HIKESHI: variants seen among roughly 807,000 people sequenced by gnomAD.
HIKESHI encodes protein Hikeshi.
HIKESHI carries 13 observed loss-of-function variants against 25.7 expected under a neutral mutation model. The ratio of observed to expected loss-of-function variants is 0.51; its 90% confidence interval spans 0.33 to 0.80. The LOEUF (loss-of-function observed/expected upper bound fraction) is 0.80. Ranked by LOEUF, HIKESHI falls within the 30% of genes least tolerant of loss-of-function variation. The probability of loss-of-function intolerance (pLI) is 0.02; values close to 1 mark genes in which losing one functional copy is unlikely to be tolerated. For synonymous variants in HIKESHI, 76 were observed against 78.7 expected (o/e 0.97, Z 0.18); for missense variants, 174 against 229.5 (o/e 0.76, Z 1.56).
At chr11:86,308,506 A>G (rs1345084456) in intron 2 of HIKESHI, among the ~76,000 whole-genome samples, 2 of 148,062 alleles carry the variant, frequency 1.4e-5, no homozygotes, top group Non-Finnish European at 3.0e-5. Flanking sequence ...AGATTTGATC[A>G]CCCTGCCAAT....
At chr11:86,333,454 G>A (rs1274928542) in intron 2 of HIKESHI, among the ~76,000 whole-genome samples, 1 of 151,740 alleles carries the variant, frequency 6.6e-6, no homozygotes, top group African/African-American at 2.4e-5. Context: ...AGAATTGCTT[G>A]AACCCAGGAG....
chr11:86,338,821 A>G (rs528474683), intron 3 of HIKESHI, among the ~76,000 whole-genome samples: 6 of 152,332 alleles, frequency 3.9e-5, no homozygotes, highest in African/African-American at 1.4e-4. Flanking sequence ...TGTGTAGACA[A>G]TATTTTAAAA....
chr11:86,326,838 T>C (rs1380693917), intron 2 of HIKESHI, among the ~76,000 whole-genome samples: 2 of 152,118 alleles, frequency 1.3e-5, no homozygotes, highest in Non-Finnish European at 2.9e-5. Flanking sequence ...AAAGGTGAGG[T>C]GTTAACGGTA....
At chr11:86,303,103 G>T (rs1210804958) in intron 1 of HIKESHI, among the ~76,000 whole-genome samples, 1 of 152,140 alleles carries the variant, frequency 6.6e-6, no homozygotes, top group Non-Finnish European at 1.5e-5. Flanking sequence ...GGTCAAAATA[G>T]ATAACTTACC....
Position 86,334,236 on chromosome 11 carries a change from A to ATGTGTGTGTGTGTG in HIKESHI, c.269-3119_269-3106dup, listed in dbSNP as rs60951435. 1.3e-3 allele frequency among the ~76,000 whole-genome samples: 188 copies of ATGTGTGTGTGTGTG among 147,112 alleles called. 1 individual carries two copies. Among genetic ancestry groups the ATGTGTGTGTGTGTG allele is most frequent in the South Asian group, 6.5e-3 (30 of 4,608 alleles). ...TTCTTCTCAACATTCTTTGTAAAAT[A>ATGTGTGTGTGTGTG]TGTGTGTGTGTGTGTGTGTGTGTGT... On this transcript the variant is annotated intron_variant, in intron 2 of 4. Coordinates refer to ENST00000278483, the MANE Select transcript of HIKESHI (RefSeq NM_016401.4).
rs369121702 is a variant in HIKESHI at position 86,335,531 on chromosome 11, C to T, written c.269-1848C>T. Reference sequence around the variant, plus strand: ...TCTCTTCTGGCTCACTTTAAGTCTCCGCACAAGCAGGAAGTGAAGACTAAG... The same window carrying T: ...TCTCTTCTGGCTCACTTTAAGTCTCTGCACAAGCAGGAAGTGAAGACTAAG... On this transcript the variant is annotated intron_variant, in intron 2 of 4. Coordinates refer to ENST00000278483, the MANE Select transcript of HIKESHI (RefSeq NM_016401.4). 1.7e-4 allele frequency among the ~76,000 whole-genome samples: 26 copies of T among 152,268 alleles called. No individual in the cohort carries two copies. The South Asian group carries it at 3.9e-3, about 23-fold the overall frequency.
intron 2 of HIKESHI, among the ~76,000 whole-genome samples, chr11:86,309,055 C>T (rs1593810347): frequency 6.6e-6 from 1 of 152,086 alleles, no homozygotes; most frequent in Non-Finnish European, 1.5e-5. Flanking sequence ...TTTATAGCAG[C>T]ATGATTTATA....
At chr11:86,312,016 C>T (rs1231160497) in intron 2 of HIKESHI, among the ~76,000 whole-genome samples, 1 of 152,142 alleles carries the variant, frequency 6.6e-6, no homozygotes, top group Non-Finnish European at 1.5e-5. Flanking sequence ...CGATGTGGTG[C>T]TGAGAAGAAT....
intron 3 of HIKESHI, among the ~76,000 whole-genome samples, chr11:86,339,781 A>G (rs2138419203): frequency 6.6e-6 from 1 of 152,276 alleles, no homozygotes; most frequent in East Asian, 1.9e-4. Flanking sequence ...GTTCTAGGGT[A>G]CATGTGCAAA....
At chr11:86,343,080 T>C (rs1166297252) in intron 3 of HIKESHI, among the ~76,000 whole-genome samples, 1 of 152,214 alleles carries the variant, frequency 6.6e-6, no homozygotes, top group Non-Finnish European at 1.5e-5. Flanking sequence ...TGTCTTTCCA[T>C]TGAACATGGT....
At chr11:86,329,319 A>G (rs1039458994) in intron 2 of HIKESHI, among the ~76,000 whole-genome samples, 1 of 151,972 alleles carries the variant, frequency 6.6e-6, no homozygotes, top group Non-Finnish European at 1.5e-5. Context: ...CCCATTCCTC[A>G]TTGGGCATTT....
At chr11:86,312,010 G>A (rs1195472499) in intron 2 of HIKESHI, among the ~76,000 whole-genome samples, 2 of 152,212 alleles carry the variant, frequency 1.3e-5, no homozygotes, top group Non-Finnish European at 2.9e-5. Flanking sequence ...TAAGTGCGAT[G>A]TGGTGCTGAG....
chr11:86,318,276 C>G (rs895392188), intron 2 of HIKESHI, among the ~76,000 whole-genome samples: 4 of 80,792 alleles, frequency 5.0e-5, no homozygotes, highest in African/African-American at 2.0e-4. Flanking sequence ...TGCACTCCAT[C>G]CTGGGCGACA....
At chr11:86,340,084 C>G (rs1218458314) in intron 3 of HIKESHI, among the ~76,000 whole-genome samples, 1 of 152,110 alleles carries the variant, frequency 6.6e-6, no homozygotes, top group South Asian at 2.1e-4. Flanking sequence ...TTGAACTCAC[C>G]CTTTTTTATA....
At chr11:86,304,158 C>G (rs531479183) in intron 1 of HIKESHI, among the ~76,000 whole-genome samples, 2 of 152,246 alleles carry the variant, frequency 1.3e-5, no homozygotes, top group African/African-American at 4.8e-5. Flanking sequence ...GCCTTTGTAT[C>G]TTGAGACTTA....
intron 2 of HIKESHI, among the ~76,000 whole-genome samples, chr11:86,309,197 G>T (rs1174278859): frequency 6.6e-6 from 1 of 152,146 alleles, no homozygotes; most frequent in Admixed American, 6.5e-5. Flanking sequence ...GAGTGTAAAA[G>T]TGTTCTATTT....
chr11:86,339,069 G>A (rs779638671), intron 3 of HIKESHI, among the ~76,000 whole-genome samples: 14 of 151,718 alleles, frequency 9.2e-5, no homozygotes, highest in East Asian at 1.9e-4. Flanking sequence ...TCTTTGAGAC[G>A]GAGTCTCACT....
At chr11:86,307,950 AAT>A (rs1466873361) in intron 2 of HIKESHI, among the ~76,000 whole-genome samples, 1 of 35,284 alleles carries the variant, frequency 2.8e-5, no homozygotes, top group East Asian at 1.4e-3. Flanking sequence ...TATTATGTGT[AAT>A]ATATATTATA....
chr11:86,344,159 A>T (rs914370885), intron 3 of HIKESHI: 2 of 152,670 alleles, frequency 1.3e-5, no homozygotes, highest in Non-Finnish European at 1.5e-5. Context: ...ATATGAGAAA[A>T]TAGGTTGATT....
Sources: gnomAD v4.1 joint callset for allele counts (sites outside exome capture counted in the v4.1 genomes callset) on GRCh38, gnomAD v4.1.1 for gene constraint, MANE v1.5 for transcripts, NCBI Gene and HGNC (gene_info 2026-07-23, HGNC 2026-07-21) for gene names.